ACLY: variants seen among roughly 807,000 people sequenced by gnomAD.
The protein encoded by ACLY is ATP-citrate synthase.
In ACLY, 41 loss-of-function variants were observed where a neutral mutation model predicts 133.0. The ratio of observed to expected loss-of-function variants is 0.31; its 90% confidence interval spans 0.24 to 0.40. The LOEUF is 0.40. ACLY is among the 10% of genes least tolerant of loss of function. ACLY has a pLI of 1.00. For synonymous variants in ACLY, 495 were observed against 549.3 expected, an observed-to-expected ratio of 0.90 and a Z score of 1.38; for missense variants, 1,046 against 1,453.8, an observed-to-expected ratio of 0.72 and a Z score of 4.56.
chr17:41,897,681 G>T, intron 13 of ACLY, 68 bp downstream of exon 13: 1 of 1,451,214 alleles, frequency 6.9e-7, no homozygotes, highest in East Asian at 2.4e-5. Flanking sequence ...GAAAGGGAAA[G>T]GGGAGAGAGA....
intron 1 of ACLY, among the ~76,000 whole-genome samples, chr17:41,926,804 A>G (rs1555636027): frequency 6.6e-6 from 1 of 152,064 alleles, no homozygotes; most frequent in African/African-American, 2.4e-5. Context: ...GTGTTTTTAA[A>G]ACAGCTTTCT....
At chr17:41,875,871 G>A (rs1555626045) in intron 22 of ACLY, among the ~76,000 whole-genome samples, 1 of 151,874 alleles carries the variant, frequency 6.6e-6, no homozygotes, top group African/African-American at 2.4e-5. Flanking sequence ...CACCCCGTCT[G>A]GGAAGTGAGG....
Position 41,872,174 on chromosome 17 carries a change from T to C in ACLY, c.2651A>G (p.Lys884Arg). 1 of 1,613,342 alleles carries C rather than the reference T, an allele frequency of 6.2e-7. No individual in the cohort carries two copies. The highest frequency in any genetic ancestry group is 8.5e-7 in the Non-Finnish European group (1 of 1,179,934). ...CATCTCAATGAACTGGCAAGAGTAC[T>C]TAGGCAACCTGGAGTGGGGGGAACA... Reference protein sequence around the residue: ...GLLWFQKRLPKYSCQFIEMCL... With the variant: ...GLLWFQKRLPRYSCQFIEMCL... Residue 884 changes from lysine (K) to arginine (R), a missense_variant, in exon 24 of 29, where the codon AAG becomes AGG. Lys to Arg is a conservative substitution (Grantham distance 26). Around this residue, in one of 4 missense-constraint regions of ACLY, gnomAD observed 205 missense variants for 373.3 expected, o/e 0.55. Coordinates refer to ENST00000352035, the MANE Select transcript of ACLY (RefSeq NM_001096.3).
intron 1 of ACLY, 112 bp downstream of exon 1, chr17:41,918,768 C>G (rs938822104): frequency 8.2e-7 from 1 of 1,218,126 alleles, no homozygotes; most frequent in South Asian, 1.3e-5. Flanking sequence ...CCGAGCAGGG[C>G]GCGTGGGCAC....
upstream of ACLY, among the ~76,000 whole-genome samples, chr17:41,919,478 C>G (rs1257535977): frequency 3.3e-5 from 5 of 152,216 alleles, no homozygotes; most frequent in Admixed American, 3.3e-4. Context: ...TCCTTTAGCA[C>G]GTGGAGCCTC....
At chr17:41,913,944 C>T in intron 1 of ACLY, 48 bp from the exon 2 acceptor site, 1 of 1,579,840 alleles carries the variant, frequency 6.3e-7, no homozygotes, top group Non-Finnish European at 8.7e-7. Flanking sequence ...CGTGTGGAGG[C>T]ACTATCTTCC....
chr17:41,909,845 C>A (rs2049845283), intron 4 of ACLY, 145 bp from the exon 5 acceptor site: 3 of 743,616 alleles, frequency 4.0e-6, no homozygotes, highest in Non-Finnish European at 6.5e-6. Context: ...CAGTGAAAAC[C>A]ATTCATCCAG....
chr17:41,874,152 T>C (rs547756441), intron 22 of ACLY, among the ~76,000 whole-genome samples, 187 bp from the exon 23 acceptor site: 45 of 152,358 alleles, frequency 3.0e-4, no homozygotes, highest in African/African-American at 1.1e-3. Context: ...TAGATCATTT[T>C]GGACATAGAA....
chr17:41,917,536 C>G (rs2050082297), intron 1 of ACLY, among the ~76,000 whole-genome samples: 1 of 152,122 alleles, frequency 6.6e-6, no homozygotes, highest in African/African-American at 2.4e-5. Context: ...GAACACGCCC[C>G]TGGGACACAG....
rs1491299873 is a variant in ACLY, at chr17:41,875,365, A to AAG, written c.2488-1401_2488-1400insCT. Among the ~76,000 whole-genome samples the AAG allele has an allele frequency of 1.5e-3, 216 of 148,246 alleles. 5 individuals are homozygous for AAG. Among genetic ancestry groups the AAG allele is most frequent in the South Asian group, 5.6e-3 (26 of 4,648 alleles). Reference sequence around the variant, plus strand: ...AACTCCGTCTCAAAAAAAAAAAAAAAGGGGGGACGAGATACGTGGCTAAAG... The same window carrying AAG: ...AACTCCGTCTCAAAAAAAAAAAAAAAAGGGGGGGACGAGATACGTGGCTAAAG... On this transcript the variant is annotated intron_variant, in intron 22 of 28. Coordinates refer to ENST00000352035, the MANE Select transcript of ACLY (RefSeq NM_001096.3).
intron 9 of ACLY, 127 bp from the exon 10 acceptor site, chr17:41,904,917 G>C: frequency 1.2e-6 from 1 of 817,498 alleles, no homozygotes; most frequent in Non-Finnish European, 2.0e-6. Context: ...GAGGTACTGG[G>C]GAGTGAGTAG....
intron 16 of ACLY, among the ~76,000 whole-genome samples, chr17:41,889,847 A>T (rs2049158610): frequency 6.6e-6 from 1 of 151,850 alleles, no homozygotes. Flanking sequence ...CACCATACCC[A>T]GCTATTTTTT....
intron 6 of ACLY, 147 bp from the exon 7 acceptor site, chr17:41,907,719 T>G (rs2049764831): frequency 1.1e-6 from 1 of 883,662 alleles, no homozygotes; most frequent in African/African-American, 1.7e-5. Context: ...GAGAGGCCCT[T>G]ATGGAGACAG....
At chr17:41,899,265 A>G (rs1289777935) in intron 11 of ACLY, among the ~76,000 whole-genome samples, 6 of 151,612 alleles carry the variant, frequency 4.0e-5, no homozygotes, top group African/African-American at 1.5e-4. Flanking sequence ...TGACAGAGTG[A>G]GACTCTTGTC....
intron 26 of ACLY, 61 bp downstream of exon 26, chr17:41,869,413 T>G: frequency 7.5e-7 from 1 of 1,334,048 alleles, no homozygotes; most frequent in Non-Finnish European, 1.1e-6. Flanking sequence ...GTAACGTGGC[T>G]CCTGTTTCCT....
At chr17:41,920,903 A>G (rs1427036359), upstream of ACLY, among the ~76,000 whole-genome samples, 8 of 152,160 alleles carry the variant, frequency 5.3e-5, no homozygotes, top group African/African-American at 1.9e-4. Context: ...TCTACTAAAA[A>G]TACAAAAAAT....
chr17:41,910,097 G>A, intron 4 of ACLY, 125 bp downstream of exon 4: 1 of 954,660 alleles, frequency 1.0e-6, no homozygotes, highest in Non-Finnish European at 1.6e-6. Flanking sequence ...GATCCTCAGT[G>A]CAGCTTCAGG....
intron 1 of ACLY, among the ~76,000 whole-genome samples, chr17:41,929,524 C>T (rs947314800): frequency 1.3e-5 from 2 of 152,284 alleles, no homozygotes; most frequent in South Asian, 2.1e-4. Context: ...TTTCACACCA[C>T]TTTGTCCTCA....
At chr17:41,874,815 C>T (rs569749844) in intron 22 of ACLY, among the ~76,000 whole-genome samples, 11 of 151,272 alleles carry the variant, frequency 7.3e-5, no homozygotes, top group South Asian at 2.1e-4. Context: ...CCTCATGATC[C>T]GCCTGCCTCG....
Sources: allele counts gnomAD v4.1 joint callset (sites outside exome capture counted in the v4.1 genomes callset), GRCh38; gene constraint gnomAD v4.1.1; regional missense constraint gnomAD v4.1.1; transcripts MANE v1.5; gene names NCBI Gene and HGNC (gene_info 2026-07-23, HGNC 2026-07-21).